WDR59: variants seen among roughly 807,000 people sequenced by gnomAD.
WDR59 encodes the protein WD repeat domain 59, also known as GATOR2 complex protein WDR59.
In WDR59, 100 loss-of-function variants were observed where a neutral mutation model predicts 131.2. The ratio of observed to expected loss-of-function variants is 0.76; its 90% CI spans 0.65 to 0.90. The LOEUF is 0.90. Among genes scored for constraint, WDR59 ranks in the 40% least tolerant of loss-of-function variants. WDR59 has a pLI of 0.00. For synonymous variants in WDR59, 601 were observed against 466.2 expected (o/e 1.29, Z -3.72); for missense variants, 1,203 against 1,262.2 (o/e 0.95, Z 0.71).
intron 8 of WDR59, among the ~76,000 whole-genome samples, chr16:74,929,901 C>T (rs1326531878): frequency 6.6e-6 from 1 of 152,170 alleles, no homozygotes; most frequent in Non-Finnish European, 1.5e-5. Context: ...AACTAGAGGA[C>T]ATTATGTTCA....
In WDR59 at chr16:74,887,726, G is replaced by A; in HGVS notation, c.2376C>T (p.Ser792=). The A allele has an allele frequency of 6.2e-7, 1 of 1,614,120 alleles. No individual in the cohort carries two copies. ...YPSFTSSGSC[S]SMSDPGLNTG... ...TGTTGAGCCCTGGGTCTGACATACT[G>A]GAGCAGGAACCAGAAGAGGTAAAGC... The change falls in exon 23 of 26, where the codon TCC becomes TCT. Residue 792 remains serine (S), a synonymous_variant. Transcript: ENST00000262144.
intron 1 of WDR59, among the ~76,000 whole-genome samples, chr16:74,981,351 G>A (rs971571153): frequency 2.0e-5 from 3 of 148,790 alleles, no homozygotes; most frequent in African/African-American, 4.9e-5. Flanking sequence ...ACTCCAGCCT[G>A]GGCGACAGAG....
intron 17 of WDR59, among the ~76,000 whole-genome samples, chr16:74,906,755 C>A (rs965720624): frequency 2.6e-5 from 4 of 152,076 alleles, no homozygotes; most frequent in African/African-American, 4.8e-5. Context: ...CAGGTCATGC[C>A]GCACTATTCC....
At position 74,892,793 on chromosome 16, in the gene WDR59, C is replaced by T. The variant is rs892038925; in HGVS notation, c.2001-228G>A. 2.6e-5 allele frequency among the ~76,000 whole-genome samples: 4 copies of T among 152,146 alleles called. No homozygotes were observed. The East Asian group carries it at 7.7e-4, about 29-fold the overall frequency. On this transcript the variant is annotated intron_variant, in intron 19 of 25. Transcript: ENST00000262144. ...AGCCTGGGGAACTTGAAATTGCACA[C>T]CTCTTTAAAGTCAGGAGGGCAGGCC...
Position 74,912,243 on chromosome 16 carries a change from A to C in WDR59, c.1344T>G (p.Ile448Met). ...PNNAAPSFQF[I>M]NPTTITSTMK... is the part of the protein sequence containing the mutation. ...TGGTGGATGTGATGGTTGTGGGGTT[A>C]ATAAACTGGAAGGAAGGGGCGGCGT... Residue 448 changes from isoleucine (I) to methionine (M), a missense_variant, in exon 14 of 26, where the codon ATT becomes ATG. Ile to Met is a conservative substitution (Grantham distance 10). Coordinates refer to ENST00000262144, the MANE Select transcript of WDR59 (RefSeq NM_030581.4). The C allele has an allele frequency of 1.2e-6, 2 of 1,614,182 alleles. No individual in the cohort carries two copies. Among genetic ancestry groups the C allele is most frequent in the Non-Finnish European group, 1.7e-6 (2 of 1,180,032 alleles).
In WDR59 at chr16:74,915,957, C is replaced by T; in HGVS notation, c.1137G>A (p.Glu379=). Residue 379 remains glutamate (E), a synonymous_variant, in exon 13 of 26, where the codon GAG becomes GAA. Transcript: ENST00000262144. ...GCAGCCCCAGTTGATCTGATTTCCT[C>T]TCTTCCAGGAGATTTCTAGGGGGAT... ...KEDPPRNLLE[E]RKSDQLGLPQ... 1 of 1,614,220 alleles carries T rather than the reference C, an allele frequency of 6.2e-7. No individual in the cohort carries two copies. Among genetic ancestry groups the T allele is most frequent in the South Asian group, 1.1e-5 (1 of 91,088 alleles).
At chr16:74,909,386 T>G in intron 16 of WDR59, 115 bp downstream of exon 16, 4 of 1,331,914 alleles carry the variant, frequency 3.0e-6, no homozygotes, top group Non-Finnish European at 3.9e-6. Context: ...AAAGTCTCGT[T>G]TGAGTTCTCG....
chr16:74,953,346 G>T (rs912005430), intron 3 of WDR59, among the ~76,000 whole-genome samples: 1 of 151,838 alleles, frequency 6.6e-6, no homozygotes, highest in African/African-American at 2.4e-5. Flanking sequence ...GGTGGCACGT[G>T]CCTGTAGTCC....
intron 3 of WDR59, among the ~76,000 whole-genome samples, chr16:74,953,012 G>T (rs796448076): frequency 1.3e-5 from 2 of 152,116 alleles, no homozygotes; most frequent in South Asian, 4.1e-4. Flanking sequence ...CCACCTTAAC[G>T]AATCTGGCCT....
At position 74,873,580 on chromosome 16, in the gene WDR59, TTC is replaced by T. The variant is rs200486534; in HGVS notation, c.*627_*628del. 15 of 149,278 alleles carry T rather than the reference TTC, an allele frequency of 1.0e-4. No individual in the cohort carries two copies. The South Asian group carries it at 2.6e-3, about 26-fold the overall frequency. 9.2% of individuals were successfully genotyped at this position (149,278 alleles called of 1,614,324 possible). ...TGATTCACCATAATGTTGTTTAACTTTCTCTCTTTTTTTTTTTTTTCAAATTA... is the reference window on the plus strand; with the variant it reads ...TGATTCACCATAATGTTGTTTAACTTTCTCTTTTTTTTTTTTTTCAAATTA... On this transcript the variant is annotated 3_prime_UTR_variant, in exon 26 of 26. Coordinates refer to ENST00000262144, the MANE Select transcript of WDR59 (RefSeq NM_030581.4).
chr16:74,954,535 G>C (rs191813559), intron 3 of WDR59, among the ~76,000 whole-genome samples: 2 of 152,336 alleles, frequency 1.3e-5, no homozygotes, highest in African/African-American at 4.8e-5. Flanking sequence ...CTGGAACTCT[G>C]TGCATTGCTG....
At position 74,887,803 on chromosome 16, in the gene WDR59, T is replaced by C. The variant is rs764023778; in HGVS notation, c.2347-48A>G. ...CAACAGGACTAGCATGAGAATACCA[T>C]TCCCCATGACAGTTCACATTAAGAA... On this transcript the variant is annotated intron_variant, in intron 22 of 25. Coordinates refer to ENST00000262144, the MANE Select transcript of WDR59 (RefSeq NM_030581.4). The C allele has an allele frequency of 3.9e-6, 6 of 1,551,000 alleles. No individual in the cohort carries two copies. In the East Asian group the frequency reaches 1.3e-4, roughly 35 times the overall value.
At chr16:74,959,782 A>G (rs1337113564) in intron 2 of WDR59, among the ~76,000 whole-genome samples, 2 of 151,118 alleles carry the variant, frequency 1.3e-5, no homozygotes, top group South Asian at 2.1e-4. Flanking sequence ...AAGAAAAGGA[A>G]AGAAAAAACT....
intron 9 of WDR59, 31 bp from the exon 10 acceptor site, chr16:74,922,134 A>C: frequency 1.2e-6 from 2 of 1,612,492 alleles, no homozygotes; most frequent in Non-Finnish European, 1.7e-6. Flanking sequence ...GCAGGTGATT[A>C]GATTATTTCA....
intron 25 of WDR59, among the ~76,000 whole-genome samples, chr16:74,878,502 A>G (rs1021432722): frequency 6.6e-6 from 1 of 151,940 alleles, no homozygotes; most frequent in Non-Finnish European, 1.5e-5. Flanking sequence ...AAAACACAAA[A>G]ATTAGCTGGG....
chr16:74,960,260 G>C (rs1263991815), intron 2 of WDR59, among the ~76,000 whole-genome samples: 2 of 151,336 alleles, frequency 1.3e-5, no homozygotes, highest in Non-Finnish European at 3.0e-5. Context: ...GAACCCAGGA[G>C]GCAGAGGTTG....
At chr16:74,975,563 C>G (rs1301779874) in intron 1 of WDR59, among the ~76,000 whole-genome samples, 6 of 151,260 alleles carry the variant, frequency 4.0e-5, no homozygotes, top group Non-Finnish European at 5.9e-5. Context: ...ACTTGGGAGG[C>G]TGAGGCAGGA....
rs755561798 is a variant in WDR59 at position 74,909,511 on chromosome 16, G to A, written c.1632C>T (p.Phe544=). ...ACCAAAGAGACCCACCTGCTCCGCAGAACCTGGCCCCAGAAGTCCTAGGAA... is the reference window on the plus strand; with the variant it reads ...ACCAAAGAGACCCACCTGCTCCGCAAAACCTGGCCCCAGAAGTCCTAGGAA... The part of the protein sequence containing the change: ...IPFPRTSGAR[F]CGAGYLVYFT... Residue 544 remains phenylalanine (F), a synonymous_variant, in exon 16 of 26, where the codon TTC becomes TTT. Coordinates refer to ENST00000262144, the MANE Select transcript of WDR59 (RefSeq NM_030581.4). 7.6e-6 allele frequency: 12 copies of A among 1,579,042 alleles called. No homozygotes were observed. In the South Asian group the frequency reaches 1.2e-4, roughly 15 times the overall value.
chr16:74,883,925 G>A (rs566886293), intron 25 of WDR59, among the ~76,000 whole-genome samples: 17 of 152,210 alleles, frequency 1.1e-4, no homozygotes, highest in African/African-American at 3.6e-4. Context: ...TCTCCAGTCC[G>A]ATATCTCACA....
Sources: allele counts gnomAD v4.1 joint callset (sites outside exome capture counted in the v4.1 genomes callset), GRCh38; gene constraint gnomAD v4.1.1; transcripts MANE v1.5; gene names NCBI Gene and HGNC (gene_info 2026-07-23, HGNC 2026-07-21).